The following MAGI1 variants were observed in gnomAD, a reference collection of about 807,000 sequenced individuals.
The protein encoded by MAGI1 is membrane associated guanylate kinase, WW and PDZ domain containing 1.
Under a neutral mutation model 139.9 loss-of-function variants are expected in MAGI1, and 58 were observed. The observed-to-expected ratio is 0.41, with a 90% confidence interval of 0.34 to 0.52. The LOEUF (loss-of-function observed/expected upper bound fraction) is 0.52, where lower values mean the gene tolerates loss of function less well. MAGI1 is among the 20% of genes least tolerant of loss of function. The pLI is 0.12. For missense variants in MAGI1, 1,874 were observed against 1,901.6 expected, an observed-to-expected ratio of 0.99 and a Z score of 0.27; for synonymous variants, 812 against 737.9, an observed-to-expected ratio of 1.10 and a Z score of -1.63.
intron 13 of MAGI1, among the ~76,000 whole-genome samples, chr3:65,394,252 C>T (rs1356420785): frequency 3.3e-5 from 5 of 152,162 alleles, no homozygotes; most frequent in Non-Finnish European, 5.9e-5. Context: ...CACCCTTTCT[C>T]ACCTCCCCAA....
chr3:65,674,483 A>G (rs1423038686), intron 1 of MAGI1, among the ~76,000 whole-genome samples: 1 of 152,216 alleles, frequency 6.6e-6, no homozygotes, highest in Non-Finnish European at 1.5e-5. Context: ...CCAAGGTGTC[A>G]GAGGCTATGC....
chr3:65,716,808 T>C (rs1046014523), intron 1 of MAGI1, among the ~76,000 whole-genome samples: 1 of 152,204 alleles, frequency 6.6e-6, no homozygotes, highest in Non-Finnish European at 1.5e-5. Flanking sequence ...AATCAGCCTA[T>C]GAACTGCAGC....
intron 12 of MAGI1, among the ~76,000 whole-genome samples, chr3:65,408,950 AAACAATTTCAG>A (rs1945563870): frequency 3.3e-5 from 5 of 152,362 alleles, no homozygotes; most frequent in Admixed American, 6.5e-5. Flanking sequence ...ACAACTTAGC[AAACAATTTCAG>A]AGAGTGGTAA....
intron 1 of MAGI1, among the ~76,000 whole-genome samples, chr3:65,730,805 T>C (rs1207120373): frequency 6.6e-6 from 1 of 152,210 alleles, no homozygotes; most frequent in East Asian, 1.9e-4. Context: ...TAATAGTTCA[T>C]TTTTGTTTTC....
At chr3:65,601,258 T>C (rs539993142) in intron 2 of MAGI1, among the ~76,000 whole-genome samples, 65 of 152,306 alleles carry the variant, frequency 4.3e-4, no homozygotes, top group Middle Eastern at 6.8e-3. Context: ...AAAGGGGTTT[T>C]ATAGTTTGTT....
At chr3:66,010,930 G>A (rs2067291600) in intron 1 of MAGI1, among the ~76,000 whole-genome samples, 1 of 152,202 alleles carries the variant, frequency 6.6e-6, no homozygotes, top group African/African-American at 2.4e-5. Flanking sequence ...GTAAGCAAAG[G>A]GGCAGGACTT....
At chr3:65,811,372 G>C (rs2041224094) in intron 1 of MAGI1, among the ~76,000 whole-genome samples, 2 of 152,156 alleles carry the variant, frequency 1.3e-5, no homozygotes, top group Admixed American at 1.3e-4. Context: ...GACATTTTTA[G>C]ATTCTCAGCC....
At chr3:65,880,248 GAA>G (rs36113885) in intron 1 of MAGI1, among the ~76,000 whole-genome samples, 2 of 146,236 alleles carry the variant, frequency 1.4e-5, no homozygotes, top group Admixed American at 6.9e-5. Context: ...TCTCAAGAAA[GAA>G]AAAAAAAAAT....
intron 1 of MAGI1, among the ~76,000 whole-genome samples, chr3:65,928,396 T>C (rs1387969833): frequency 6.6e-6 from 1 of 152,212 alleles, no homozygotes; most frequent in Admixed American, 6.5e-5. Context: ...AATATAAGAA[T>C]GAACTTAAAG....
At chr3:65,918,449 C>T (rs1429150891) in intron 1 of MAGI1, among the ~76,000 whole-genome samples, 7 of 144,184 alleles carry the variant, frequency 4.9e-5, no homozygotes, top group East Asian at 2.1e-4. Flanking sequence ...GGCGCGATCT[C>T]GGCTCACTGA....
chr3:65,647,643 C>T (rs773817709), intron 1 of MAGI1, among the ~76,000 whole-genome samples: 8 of 151,896 alleles, frequency 5.3e-5, no homozygotes, highest in East Asian at 1.9e-4. Context: ...AATATGTTAA[C>T]GAAGAGAAAC....
chr3:65,559,723 T>C (rs2080250527), intron 2 of MAGI1, among the ~76,000 whole-genome samples: 1 of 152,202 alleles, frequency 6.6e-6, no homozygotes, highest in African/African-American at 2.4e-5. Context: ...TCTTGGCTCA[T>C]GGGTGACAAA....
rs865818110 is a variant in MAGI1 at position 65,523,220 on chromosome 3, T to C, written c.431-29589A>G. Among the ~76,000 whole-genome samples, 3 of 152,292 alleles carry C rather than the reference T, an allele frequency of 2.0e-5. No homozygotes were observed. In the South Asian group the frequency reaches 6.2e-4, roughly 32 times the overall value. On this transcript the variant is annotated intron_variant, in intron 2 of 22. Transcript: ENST00000402939. Reference sequence around the variant, plus strand: ...CTATTACCATATTAGCCAATTATTATTGAACTAATGCATGCCCACCATTTA... The same window carrying C: ...CTATTACCATATTAGCCAATTATTACTGAACTAATGCATGCCCACCATTTA...
chr3:65,636,590 G>T (rs536772282), intron 1 of MAGI1, among the ~76,000 whole-genome samples: 1 of 152,122 alleles, frequency 6.6e-6, no homozygotes, highest in African/African-American at 2.4e-5. Flanking sequence ...CAGGCTCACT[G>T]GTCACGTATT....
Position 65,926,329 on chromosome 3 carries a change from C to CTCTT in MAGI1, c.313+111666_313+111667insAAGA, listed in dbSNP as rs1443802750. Among the ~76,000 whole-genome samples the CTCTT allele has an allele frequency of 3.1e-4, 38 of 122,456 alleles. No individual in the cohort carries two copies. In the South Asian group the frequency reaches 3.2e-3, roughly 10 times the overall value. The allele number at this position is 122,456 out of a possible 152,430, so 80.3% of individuals were successfully genotyped here. ...AGATCCAAGACTGAAGTCTTCTTTTCTCTCTCTCTCTCTCTCTCTCTCTCT... is the reference window on the plus strand; with the variant it reads ...AGATCCAAGACTGAAGTCTTCTTTTCTCTTTCTCTCTCTCTCTCTCTCTCTCTCT... On this transcript the variant is annotated intron_variant, in intron 1 of 22. Coordinates refer to ENST00000402939, the MANE Select transcript of MAGI1 (RefSeq NM_001033057.2).
At chr3:65,691,629 T>C (rs964581210) in intron 1 of MAGI1, among the ~76,000 whole-genome samples, 6 of 152,118 alleles carry the variant, frequency 3.9e-5, no homozygotes, top group African/African-American at 1.4e-4. Flanking sequence ...TTAAACAAAT[T>C]CCTATTCTAG....
At chr3:65,965,027 A>C (rs1305650387) in intron 1 of MAGI1, among the ~76,000 whole-genome samples, 1 of 152,244 alleles carries the variant, frequency 6.6e-6, no homozygotes, top group Non-Finnish European at 1.5e-5. Flanking sequence ...CCCAAGGCAT[A>C]ATTAGCCTTG....
intron 12 of MAGI1, among the ~76,000 whole-genome samples, chr3:65,423,745 C>G (rs533555308): frequency 6.6e-6 from 1 of 152,284 alleles, no homozygotes; most frequent in Admixed American, 6.5e-5. Flanking sequence ...CCTCAGCTTC[C>G]TCTTCTCCAA....
At chr3:65,949,384 A>G (rs186890607) in intron 1 of MAGI1, among the ~76,000 whole-genome samples, 3 of 152,380 alleles carry the variant, frequency 2.0e-5, no homozygotes, top group African/African-American at 7.2e-5. Context: ...TTAGGTGCAG[A>G]CTTAAGAAAA....
Sources: allele counts gnomAD v4.1 joint callset (sites outside exome capture counted in the v4.1 genomes callset), GRCh38; gene constraint gnomAD v4.1.1; transcripts MANE v1.5; gene names NCBI Gene and HGNC (gene_info 2026-07-23, HGNC 2026-07-21).